Variants in ZFYVE1 observed in about 807,000 individuals in gnomAD.
ZFYVE1 encodes the protein zinc finger FYVE domain-containing protein 1.
ZFYVE1 carries 30 observed loss-of-function variants against 74.4 expected under a neutral mutation model. The observed-to-expected ratio is 0.40, with a 90% CI of 0.30 to 0.55. The LOEUF (loss-of-function observed/expected upper bound fraction) is 0.55, where lower values mean the gene tolerates loss of function less well. Among genes scored for constraint, ZFYVE1 ranks in the 20% least tolerant of loss-of-function variants. The pLI, the probability that ZFYVE1 is intolerant of heterozygous loss-of-function variation, is 0.42. For missense variants in ZFYVE1, 703 were observed against 1,011.6 expected, an observed-to-expected ratio of 0.69 and a Z score of 4.14; for synonymous variants, 335 against 385.1, an observed-to-expected ratio of 0.87 and a Z score of 1.52.
chr14:73,004,943 C>A (rs1216701928), intron 2 of ZFYVE1, among the ~76,000 whole-genome samples: 2 of 151,304 alleles, frequency 1.3e-5, no homozygotes, highest in Admixed American at 1.3e-4. Flanking sequence ...TTGCAGTGAG[C>A]CGAGATCACG....
At position 72,970,602 on chromosome 14, in the gene ZFYVE1, G is replaced by C; in HGVS notation, c.*280C>G. The stretch of plus-strand genomic sequence containing the variant: ...GTGCCTTTCATATGTATATATGAGA[G>C]AGAGATATACACATATATATTCATT... On this transcript the variant is annotated 3_prime_UTR_variant, in exon 12 of 12. Coordinates refer to ENST00000556143, the MANE Select transcript of ZFYVE1 (RefSeq NM_021260.4). 2.1e-6 allele frequency: 1 copy of C among 466,628 alleles called. No homozygotes were observed. The highest frequency in any genetic ancestry group is 3.9e-6 in the Non-Finnish European group (1 of 257,810). The allele number at this position is 466,628 out of a possible 1,614,324, so 28.9% of individuals were successfully genotyped here.
intron 4 of ZFYVE1, among the ~76,000 whole-genome samples, chr14:72,984,901 C>T (rs1893436829): frequency 6.6e-6 from 1 of 152,240 alleles, no homozygotes; most frequent in South Asian, 2.1e-4. Flanking sequence ...CATCCTCCTC[C>T]AAATCCTAGC....
At chr14:73,001,925 G>A (rs1482021881) in intron 2 of ZFYVE1, among the ~76,000 whole-genome samples, 3 of 151,842 alleles carry the variant, frequency 2.0e-5, no homozygotes, top group Admixed American at 2.0e-4. Flanking sequence ...TCCAGCCTGG[G>A]CGACAAAGCG....
At chr14:72,979,275 A>C (rs567104341) in intron 5 of ZFYVE1, 1 of 297,066 alleles carries the variant, frequency 3.4e-6, no homozygotes, top group African/African-American at 2.1e-5. Flanking sequence ...CGACGGGGGC[A>C]GATCACTTCA....
chr14:72,983,712 T>A (rs1299798213), intron 4 of ZFYVE1, among the ~76,000 whole-genome samples: 1 of 152,224 alleles, frequency 6.6e-6, no homozygotes, highest in African/African-American at 2.4e-5. Context: ...TTTGGGTATA[T>A]ACCCAGTAAT....
chr14:73,006,322 C>T (rs185821903), intron 2 of ZFYVE1, among the ~76,000 whole-genome samples: 4 of 152,140 alleles, frequency 2.6e-5, no homozygotes, highest in Admixed American at 2.6e-4. Context: ...CGCCTGTAAT[C>T]CCAGCACTTT....
Position 72,977,955 on chromosome 14 carries a change from C to A in ZFYVE1, c.1607G>T (p.Arg536Leu). The change falls in exon 8 of 12, where the codon CGG (arginine) becomes CTG (leucine). Residue 536 changes from arginine to leucine, a missense_variant. Physicochemically the swap from Arg to Leu is moderately radical, Grantham distance 102. Around this residue, in one of 2 missense-constraint regions of ZFYVE1, gnomAD observed 492 missense variants for 790.0 expected, o/e 0.62. Transcript: ENST00000556143. Reference sequence around the variant, plus strand: ...AGGCCACACATGCACAATCTCTGTCCGCACCACCGTATCCACAGGATCTTG... The same window carrying A: ...AGGCCACACATGCACAATCTCTGTCAGCACCACCGTATCCACAGGATCTTG... Reference protein sequence around the residue: ...GNQDPVDTVVRTEIVHVWPGT... With the variant: ...GNQDPVDTVVLTEIVHVWPGT... 1 of 1,614,170 alleles carries A rather than the reference C, an allele frequency of 6.2e-7. No homozygotes were observed.
intron 11 of ZFYVE1, 110 bp from the exon 12 acceptor site, chr14:72,971,224 A>AATT: frequency 9.2e-7 from 1 of 1,088,978 alleles, no homozygotes; most frequent in Admixed American, 2.4e-5. Flanking sequence ...CTGCACACAG[A>AATT]ATTGCTGACA....
intron 2 of ZFYVE1, among the ~76,000 whole-genome samples, chr14:73,001,698 G>A (rs556947383): frequency 2.7e-4 from 41 of 150,470 alleles, no homozygotes; most frequent in African/African-American, 7.9e-4. Flanking sequence ...TACAAATTTC[G>A]GCTGGGCGCA....
intron 6 of ZFYVE1, 130 bp from the exon 7 acceptor site, chr14:72,978,364 C>T (rs1893230502): frequency 2.9e-5 from 23 of 787,764 alleles, no homozygotes; most frequent in Admixed American, 7.6e-5. Flanking sequence ...CTCAGGAGTT[C>T]GAGATCAGCC....
chr14:72,998,085 C>G lies in ZFYVE1; in HGVS notation c.714G>C (p.Gly238=). The change falls in exon 3 of 12, where the codon GGG becomes GGC. Residue 238 remains glycine, a synonymous_variant. Transcript: ENST00000556143. The part of the protein sequence containing the change: ...VHKVAVIDTE[G]LLGATVNLSQ... ...TTAGATTCACGGTGGCCCCCAGGAG[C>G]CCTTCCGTATCGATCACTGCTACTT... is the stretch of plus-strand genomic sequence containing the variant. 6.2e-7 allele frequency: 1 copy of G among 1,614,036 alleles called. No individual in the cohort carries two copies. The highest frequency in any genetic ancestry group is 1.3e-5 in the African/African-American group (1 of 74,998).
chr14:73,014,381 C>T (rs1315937966), intron 2 of ZFYVE1, among the ~76,000 whole-genome samples: 2 of 152,146 alleles, frequency 1.3e-5, no homozygotes, highest in Non-Finnish European at 2.9e-5. Flanking sequence ...CCCTGTGTTT[C>T]CCAGTAAACA....
intron 4 of ZFYVE1, among the ~76,000 whole-genome samples, chr14:72,986,263 T>TCAAC (rs1342051431): frequency 4.6e-5 from 7 of 152,202 alleles, no homozygotes; most frequent in African/African-American, 1.7e-4. Context: ...TGTTGGCTTA[T>TCAAC]GTTGTCCAAG....
chr14:72,983,003 C>T (rs1052717066), intron 4 of ZFYVE1, among the ~76,000 whole-genome samples: 3 of 151,988 alleles, frequency 2.0e-5, no homozygotes, highest in African/African-American at 7.2e-5. Context: ...ACCACCACAC[C>T]CGGCTAATTT....
intron 2 of ZFYVE1, among the ~76,000 whole-genome samples, chr14:73,003,948 T>C (rs768374252): frequency 5.9e-5 from 9 of 152,096 alleles, no homozygotes; most frequent in Non-Finnish European, 1.0e-4. Context: ...AGTGAATGAG[T>C]GAGTGAATAA....
intron 11 of ZFYVE1, among the ~76,000 whole-genome samples, chr14:72,973,512 C>CAAAA (rs1010932570): frequency 1.4e-5 from 2 of 147,052 alleles, no homozygotes; most frequent in Non-Finnish European, 3.0e-5. Flanking sequence ...AACAAACAAA[C>CAAAA]AAAAAAAAAG....
chr14:72,971,624 G>A (rs1893037435), intron 11 of ZFYVE1, among the ~76,000 whole-genome samples: 3 of 152,090 alleles, frequency 2.0e-5, no homozygotes, highest in Non-Finnish European at 2.9e-5. Flanking sequence ...TTATAGGCAT[G>A]AGCCACCACG....
chr14:72,980,590 AAG>A (rs1448471721), intron 5 of ZFYVE1, among the ~76,000 whole-genome samples: 4 of 147,164 alleles, frequency 2.7e-5, no homozygotes, highest in Non-Finnish European at 6.0e-5. Context: ...TATTTTGAGA[AAG>A]AGTCTCACTC....
chr14:72,995,959 A>G (rs1403606699), intron 3 of ZFYVE1, among the ~76,000 whole-genome samples: 1 of 152,102 alleles, frequency 6.6e-6, no homozygotes, highest in African/African-American at 2.4e-5. Flanking sequence ...ATCTTTTGAA[A>G]ATATAGATCT....
Sources: allele counts gnomAD v4.1 joint callset (sites outside exome capture counted in the v4.1 genomes callset), GRCh38; gene constraint gnomAD v4.1.1; regional missense constraint gnomAD v4.1.1; transcripts MANE v1.5; gene names NCBI Gene and HGNC (gene_info 2026-07-23, HGNC 2026-07-21).